The following HIVEP2 variants were observed in gnomAD, a reference collection of about 807,000 sequenced individuals.
HIVEP2 encodes HIVEP zinc finger 2.
HIVEP2 carries 14 observed loss-of-function variants against 180.7 expected under a neutral mutation model. The observed-to-expected ratio is 0.08, with a 90% confidence interval of 0.05 to 0.12. HIVEP2 has a LOEUF of 0.12. Among genes scored for constraint, HIVEP2 ranks in the 10% least tolerant of loss-of-function variants. The probability of loss-of-function intolerance (pLI) is 1.00; values close to 1 mark genes in which losing one functional copy is unlikely to be tolerated. For synonymous variants in HIVEP2, 1,184 were observed against 1,136.4 expected, an observed-to-expected ratio of 1.04 and a Z score of -0.84; for missense variants, 2,579 against 3,008.5, an observed-to-expected ratio of 0.86 and a Z score of 3.34.
rs769298139 is a variant in HIVEP2, at chr6:142,770,922, G to T, written c.3817C>A (p.His1273Asn). 1.9e-6 allele frequency: 3 copies of T among 1,614,214 alleles called. No homozygotes were observed. In the South Asian group the frequency reaches 3.3e-5, roughly 18 times the overall value. The change falls in exon 5 of 10, where the codon CAC becomes AAC. Residue 1273 changes from histidine to asparagine, a missense_variant. Physicochemically the swap from His to Asn is moderately conservative, Grantham distance 68. Around this residue, in one of 11 missense-constraint regions of HIVEP2, gnomAD observed 523 missense variants for 577.0 expected, o/e 0.91. Transcript: ENST00000367603. This position sits in a 1 kb window ranked among gnomAD's most constrained non-coding sequence, Gnocchi z 4.7. ...HTGKKPAEYA[H>N]TKEQTYPCYS... ...CATGGGTAGGTCTGCTCTTTCGTGT[G>T]TGCATACTCAGCAGGTTTCTTTCCA... is the stretch of plus-strand genomic sequence containing the variant.
At chr6:142,755,217 A>G (rs1775033337) in intron 9 of HIVEP2, among the ~76,000 whole-genome samples, 1 of 152,216 alleles carries the variant, frequency 6.6e-6, no homozygotes. Context: ...AGCTGGAAAC[A>G]TGGATTCTCC....
chr6:142,879,149 T>G (rs557058246), intron 1 of HIVEP2, among the ~76,000 whole-genome samples: 108 of 152,282 alleles, frequency 7.1e-4, no homozygotes, highest in Middle Eastern at 3.4e-3. Flanking sequence ...GAGGGGCACA[T>G]CCTTTATACT....
intron 9 of HIVEP2, among the ~76,000 whole-genome samples, chr6:142,756,309 C>T (rs1775067286): frequency 6.6e-6 from 1 of 152,142 alleles, no homozygotes; most frequent in African/African-American, 2.4e-5. Context: ...CCCATTTGTG[C>T]TCAGTCACTG....
chr6:142,839,184 T>C (rs2114887124), intron 1 of HIVEP2, among the ~76,000 whole-genome samples: 1 of 152,284 alleles, frequency 6.6e-6, no homozygotes. Flanking sequence ...ATATAATATT[T>C]ATTTAGAAAT....
chr6:142,761,261 C>T (rs146962342), intron 8 of HIVEP2, among the ~76,000 whole-genome samples: 1 of 152,008 alleles, frequency 6.6e-6, no homozygotes, highest in African/African-American at 2.4e-5. Flanking sequence ...GCCTTTTTTG[C>T]CCTCGGAGTC....
intron 1 of HIVEP2, among the ~76,000 whole-genome samples, chr6:142,900,584 A>T (rs1777112282): frequency 6.6e-6 from 1 of 152,204 alleles, no homozygotes; most frequent in South Asian, 2.1e-4. Flanking sequence ...TGCCCCCCTG[A>T]GACACACAGA....
chr6:142,910,182 G>A (rs567026406), intron 1 of HIVEP2, among the ~76,000 whole-genome samples: 15 of 152,298 alleles, frequency 9.8e-5, no homozygotes, highest in African/African-American at 3.4e-4. Context: ...ATCATTTCAT[G>A]CATTATCCGT....
intron 1 of HIVEP2, among the ~76,000 whole-genome samples, chr6:142,911,976 A>G (rs1224784564): frequency 2.0e-5 from 3 of 152,228 alleles, no homozygotes; most frequent in Admixed American, 6.5e-5. Flanking sequence ...GCAAAAGCCA[A>G]TCAAAGTCTC....
Position 142,773,811 on chromosome 6 carries a change from C to A in HIVEP2, c.928G>T (p.Gly310Cys). The change falls in exon 5 of 10, where the codon GGC becomes TGC. Residue 310 changes from glycine (G) to cysteine (C), a missense_variant. Physicochemically the swap from Gly to Cys is radical, Grantham distance 159. This residue lies in a region of HIVEP2 where 142 missense variants were observed against 135.2 expected (regional missense o/e 1.05). Coordinates refer to ENST00000367603, the MANE Select transcript of HIVEP2 (RefSeq NM_006734.4). ...GATTCTTCCAATGACCCATGATAGC[C>A]GCCTCTGCTGGCAATGTCCAGTGGG... is the stretch of plus-strand genomic sequence containing the variant. ...PIPLDIASRGGYHGSLEESLG... is the reference protein window; with the variant it reads ...PIPLDIASRGCYHGSLEESLG... The A allele has an allele frequency of 6.2e-7, 1 of 1,613,814 alleles. No homozygotes were observed.
intron 1 of HIVEP2, among the ~76,000 whole-genome samples, chr6:142,889,708 G>T (rs1357525835): frequency 6.6e-6 from 1 of 152,152 alleles, no homozygotes; most frequent in African/African-American, 2.4e-5. Context: ...TATTGAGAAG[G>T]TGCTCAATAA....
chr6:142,815,192 T>C (rs185852164), intron 2 of HIVEP2, among the ~76,000 whole-genome samples: 2 of 152,308 alleles, frequency 1.3e-5, no homozygotes, highest in East Asian at 1.9e-4. Flanking sequence ...ACTGTTGCAC[T>C]GGGGATTAAG....
intron 1 of HIVEP2, among the ~76,000 whole-genome samples, chr6:142,894,415 G>C (rs1424975276): frequency 6.6e-6 from 1 of 152,140 alleles, no homozygotes; most frequent in African/African-American, 2.4e-5. Flanking sequence ...GACTGTTCAA[G>C]AGCACAGGGG....
intron 9 of HIVEP2, among the ~76,000 whole-genome samples, chr6:142,757,218 C>T (rs962625435): frequency 3.3e-5 from 5 of 152,112 alleles, no homozygotes; most frequent in South Asian, 2.1e-4. Context: ...GTGCTTGGGA[C>T]GAACTGTCCC....
intron 2 of HIVEP2, among the ~76,000 whole-genome samples, chr6:142,801,215 G>A (rs983314194): frequency 1.3e-5 from 2 of 149,122 alleles, no homozygotes; most frequent in Admixed American, 1.3e-4. Context: ...AAAAAAACGA[G>A]GGAATACACA....
chr6:142,783,837 C>T (rs1775918894), intron 2 of HIVEP2, among the ~76,000 whole-genome samples: 1 of 152,018 alleles, frequency 6.6e-6, no homozygotes, highest in Admixed American at 6.6e-5. Flanking sequence ...AGGGAATTCC[C>T]TGTAACAGTG....
In HIVEP2 at chr6:142,770,269, G is replaced by C; in HGVS notation, c.4470C>G (p.Pro1490=). 2 of 1,614,188 alleles carry C rather than the reference G, an allele frequency of 1.2e-6. No individual in the cohort carries two copies. Among genetic ancestry groups the C allele is most frequent in the Non-Finnish European group, 1.7e-6 (2 of 1,180,044 alleles). The change falls in exon 5 of 10, where the codon CCC becomes CCG. Residue 1490 remains proline (P), a synonymous_variant. Coordinates refer to ENST00000367603, the MANE Select transcript of HIVEP2 (RefSeq NM_006734.4). The surrounding 1 kb of genome is among the most constrained non-coding windows in gnomAD (Gnocchi z 4.7). ...CTTGTCGAACCAGCTGGGGTTTCTG[G>C]GGGCGGGAGAGGTCCTTTTTGATGT... ...NSDIKKDLSR[P]QKPQLVRQGC...
chr6:142,940,860 T>C (rs1307716510), intron 1 of HIVEP2, among the ~76,000 whole-genome samples: 1 of 152,188 alleles, frequency 6.6e-6, no homozygotes, highest in African/African-American at 2.4e-5. Flanking sequence ...CTTCCATCAC[T>C]CTGTGACCCA....
chr6:142,870,317 TC>T (rs772123424), intron 1 of HIVEP2, among the ~76,000 whole-genome samples: 4 of 152,136 alleles, frequency 2.6e-5, no homozygotes, highest in Non-Finnish European at 5.9e-5. Context: ...TCCTTGAGTG[TC>T]TCTGAGGCTC....
At chr6:142,933,065 C>T (rs1777978804) in intron 1 of HIVEP2, among the ~76,000 whole-genome samples, 1 of 152,172 alleles carries the variant, frequency 6.6e-6, no homozygotes, top group Non-Finnish European at 1.5e-5. Context: ...TCACAAAAAG[C>T]TCAACTGGGA....
Sources: allele counts gnomAD v4.1 joint callset (sites outside exome capture counted in the v4.1 genomes callset), GRCh38; gene constraint gnomAD v4.1.1; regional missense constraint gnomAD v4.1.1; non-coding constraint Gnocchi (gnomAD v3.1); transcripts MANE v1.5; gene names NCBI Gene and HGNC (gene_info 2026-07-23, HGNC 2026-07-21).